PPP2R2B: variants seen among roughly 807,000 people sequenced by gnomAD.
PPP2R2B encodes serine/threonine-protein phosphatase 2A 55 kDa regulatory subunit B beta isoform.
PPP2R2B carries 5 observed loss-of-function variants against 46.0 expected under a neutral mutation model. That is an observed-to-expected ratio of 0.11 (90% CI 0.06 to 0.23). The LOEUF (loss-of-function observed/expected upper bound fraction) is 0.23. Among genes scored for constraint, PPP2R2B ranks in the 10% least tolerant of loss-of-function variants. The pLI, the probability that PPP2R2B is intolerant of heterozygous loss-of-function variation, is 1.00. For missense variants in PPP2R2B, 367 were observed against 575.0 expected (o/e 0.64, Z 3.70); for synonymous variants, 215 against 206.7 (o/e 1.04, Z -0.34).
intron 5 of PPP2R2B, among the ~76,000 whole-genome samples, chr5:146,673,384 G>T (rs776303820): frequency 2.6e-5 from 4 of 152,122 alleles, no homozygotes; most frequent in East Asian, 3.9e-4. Context: ...TGGAAGAAAA[G>T]ATTATTTTTT....
intron 1 of PPP2R2B, among the ~76,000 whole-genome samples, chr5:146,899,418 G>T (rs548202888): frequency 6.9e-6 from 1 of 144,838 alleles, no homozygotes; most frequent in African/African-American, 2.6e-5. Context: ...GGTGGGAATT[G>T]AACAATGAGA....
chr5:146,780,731 T>C (rs1046428053), intron 2 of PPP2R2B, among the ~76,000 whole-genome samples: 2 of 152,190 alleles, frequency 1.3e-5, no homozygotes, highest in Non-Finnish European at 2.9e-5. Context: ...TAGTTAGATA[T>C]TCTTCCTCAG....
At chr5:146,599,846 C>A (rs111437635) in intron 8 of PPP2R2B, among the ~76,000 whole-genome samples, 2 of 152,114 alleles carry the variant, frequency 1.3e-5, no homozygotes, top group Non-Finnish European at 1.5e-5. Context: ...CCCCTTCCTG[C>A]GTCCATGTGA....
intron 1 of PPP2R2B, among the ~76,000 whole-genome samples, chr5:147,023,873 C>T (rs1381845522): frequency 6.6e-6 from 1 of 152,084 alleles, no homozygotes; most frequent in Non-Finnish European, 1.5e-5. Context: ...TTTGCTCTTT[C>T]CTGGAGATGG....
intron 1 of PPP2R2B, among the ~76,000 whole-genome samples, chr5:146,934,952 A>T (rs1275587791): frequency 6.6e-6 from 1 of 152,180 alleles, no homozygotes; most frequent in Non-Finnish European, 1.5e-5. Flanking sequence ...TCACTTTTCT[A>T]CTGCAAAGCA....
intron 2 of PPP2R2B, among the ~76,000 whole-genome samples, chr5:146,875,463 C>G (rs1461640898): frequency 6.6e-6 from 1 of 152,112 alleles, no homozygotes; most frequent in Non-Finnish European, 1.5e-5. Flanking sequence ...TTGCTCTTAG[C>G]TGGATGAACT....
chr5:146,705,243 T>C (rs1779764502), intron 2 of PPP2R2B, among the ~76,000 whole-genome samples: 2 of 152,216 alleles, frequency 1.3e-5, no homozygotes, highest in South Asian at 4.1e-4. Context: ...AGCTGACTAG[T>C]TCTGCCTACT....
At chr5:146,869,070 A>T (rs1761469943) in intron 2 of PPP2R2B, among the ~76,000 whole-genome samples, 1 of 152,220 alleles carries the variant, frequency 6.6e-6, no homozygotes, top group Admixed American at 6.5e-5. Context: ...AGCAATCATT[A>T]TTAATTATTA....
intron 2 of PPP2R2B, among the ~76,000 whole-genome samples, chr5:146,774,401 T>G (rs2151274182): frequency 6.6e-6 from 1 of 152,232 alleles, no homozygotes; most frequent in South Asian, 2.1e-4. Context: ...GAAAGGTTCT[T>G]GGATCCAGAT....
In PPP2R2B at chr5:146,815,799, C is replaced by T. The variant is rs554590065; in HGVS notation, c.70+62203G>A. On this transcript the variant is annotated intron_variant, in intron 2 of 9. Coordinates refer to ENST00000394411, the MANE Select transcript of PPP2R2B (RefSeq NM_181675.4). Reference sequence around the variant, plus strand: ...AAATGCTAACTCATGCTCAGAACATCCCTAAGGATAGGGAAAGCAAGATCA... The same window carrying T: ...AAATGCTAACTCATGCTCAGAACATTCCTAAGGATAGGGAAAGCAAGATCA... Among the ~76,000 whole-genome samples the T allele has an allele frequency of 2.0e-5, 3 of 152,304 alleles. No homozygotes were observed. The South Asian group carries it at 6.2e-4, about 32-fold the overall frequency.
At chr5:146,624,499 C>T (rs1773908927) in intron 7 of PPP2R2B, among the ~76,000 whole-genome samples, 2 of 152,186 alleles carry the variant, frequency 1.3e-5, no homozygotes, top group Admixed American at 1.3e-4. Context: ...TCCACTGTCA[C>T]CATCTTAGTC....
At chr5:146,928,248 CATTT>C (rs1763849815) in intron 1 of PPP2R2B, among the ~76,000 whole-genome samples, 1 of 151,918 alleles carries the variant, frequency 6.6e-6, no homozygotes, top group Non-Finnish European at 1.5e-5. Context: ...AAATCCCATC[CATTT>C]ATTGGCCCTT....
At chr5:146,928,256 G>T (rs963008491) in intron 1 of PPP2R2B, among the ~76,000 whole-genome samples, 3 of 151,574 alleles carry the variant, frequency 2.0e-5, no homozygotes, top group Non-Finnish European at 4.4e-5. Flanking sequence ...TCCATTTATT[G>T]GCCCTTTTTA....
chr5:146,724,673 A>G (rs1244707832), intron 2 of PPP2R2B, among the ~76,000 whole-genome samples: 1 of 152,150 alleles, frequency 6.6e-6, no homozygotes. Flanking sequence ...AAATTCCATC[A>G]CATCCCATTA....
At chr5:147,045,050 C>T (rs1756484473) in intron 1 of PPP2R2B, among the ~76,000 whole-genome samples, 4 of 152,140 alleles carry the variant, frequency 2.6e-5, no homozygotes, top group Non-Finnish European at 5.9e-5. Flanking sequence ...GATGTCAAGA[C>T]AATAAACAGG....
At chr5:147,018,038 C>CGT (rs1755090259) in intron 1 of PPP2R2B, among the ~76,000 whole-genome samples, 34 of 7,564 alleles carry the variant, frequency 4.5e-3, no homozygotes, top group African/African-American at 0.019. Context: ...CACATGCATG[C>CGT]GCGCGCACAC....
chr5:146,766,198 C>T (rs1344932005), intron 2 of PPP2R2B, among the ~76,000 whole-genome samples: 1 of 152,020 alleles, frequency 6.6e-6, no homozygotes, highest in Non-Finnish European at 1.5e-5. Flanking sequence ...GTTACTGTAC[C>T]ACATACTTAG....
chr5:146,982,302 G>A (rs1753215051), intron 1 of PPP2R2B, among the ~76,000 whole-genome samples: 1 of 151,946 alleles, frequency 6.6e-6, no homozygotes, highest in South Asian at 2.1e-4. Flanking sequence ...TTTTCCTCAA[G>A]ACTTCCTTTT....
At chr5:147,076,527 A>G (rs1484167099) in intron 2 of PPP2R2B, among the ~76,000 whole-genome samples, 4 of 152,158 alleles carry the variant, frequency 2.6e-5, no homozygotes, top group African/African-American at 9.7e-5. Flanking sequence ...AAACTTTTCT[A>G]CACTGAGAAT....
Sources: gnomAD v4.1 joint callset for allele counts (sites outside exome capture counted in the v4.1 genomes callset) on GRCh38, gnomAD v4.1.1 for gene constraint, MANE v1.5 for transcripts, NCBI Gene and HGNC (gene_info 2026-07-23, HGNC 2026-07-21) for gene names.